The following WDR20 variants were observed in gnomAD, a reference collection of about 807,000 sequenced individuals.
WDR20 encodes the protein WD repeat domain 20.
In WDR20, 3 loss-of-function variants were observed where a neutral mutation model predicts 38.7. The ratio of observed to expected loss-of-function variants is 0.08; its 90% confidence interval spans 0.04 to 0.20. The LOEUF is 0.20. Ranked by LOEUF, WDR20 falls within the 10% of genes least tolerant of loss-of-function variation. The pLI is 1.00. For synonymous variants in WDR20, 298 were observed against 285.6 expected (o/e 1.04, Z -0.44); for missense variants, 559 against 727.7 (o/e 0.77, Z 2.67).
At chr14:102,144,672 CA>C (rs2052929212) in intron 1 of WDR20, among the ~76,000 whole-genome samples, 1 of 151,580 alleles carries the variant, frequency 6.6e-6, no homozygotes, top group South Asian at 2.1e-4. Flanking sequence ...CATGGTGTAT[CA>C]GTTTTACCCT....
At chr14:102,156,782 A>C (rs2057495745) in intron 1 of WDR20, among the ~76,000 whole-genome samples, 1 of 151,956 alleles carries the variant, frequency 6.6e-6, no homozygotes, top group Non-Finnish European at 1.5e-5. Context: ...GGATTATCTG[A>C]GGCAGGAATT....
rs1766034397 is a variant in WDR20 at position 102,210,184 on chromosome 14, A to G, written c.*304A>G. The G allele has an allele frequency of 9.3e-7, 1 of 1,075,802 alleles. No individual in the cohort carries two copies. The highest frequency in any genetic ancestry group is 1.7e-5 in the African/African-American group (1 of 60,214). The allele number at this position is 1,075,802 out of a possible 1,614,324, so 66.6% of individuals were successfully genotyped here. ...TTTCAATTTTAGGAAAATCATGACC[A>G]TGTGGGGAAACAATGACTTTAAAAT... On this transcript the variant is annotated 3_prime_UTR_variant, in exon 3 of 3. Coordinates refer to ENST00000342702, the MANE Select transcript of WDR20 (RefSeq NM_144574.4).
At position 102,175,787 on chromosome 14, in the gene WDR20, GTATTT is replaced by G. The variant is rs2061925230; in HGVS notation, c.250-19139_250-19135del. On this transcript the variant is annotated intron_variant, in intron 1 of 2. Transcript: ENST00000342702. ...TGTCAATGGTTAGATATATTCCTAA[GTATTT>G]TATTTTATTTTTTTGCAGTTATTGT... Among the ~76,000 whole-genome samples, 4 of 152,110 alleles carry G rather than the reference GTATTT, an allele frequency of 2.6e-5. 1 individual carries two copies. The highest frequency in any genetic ancestry group is 2.6e-4 in the Admixed American group (4 of 15,262).
chr14:102,152,516 G>A (rs763330737), intron 1 of WDR20, among the ~76,000 whole-genome samples: 41 of 151,318 alleles, frequency 2.7e-4, no homozygotes, highest in Non-Finnish European at 4.6e-4. Flanking sequence ...CCAGGTTCAA[G>A]CAACTCTCCT....
intron 1 of WDR20, among the ~76,000 whole-genome samples, chr14:102,176,875 C>G (rs1042325412): frequency 3.3e-5 from 5 of 152,180 alleles, no homozygotes; most frequent in Admixed American, 2.0e-4. Flanking sequence ...ACTAGAGGCG[C>G]CTGCCATCAC....
chr14:102,151,173 A>ATTTTTTTTTTTTT (rs534503694), intron 1 of WDR20, among the ~76,000 whole-genome samples: 5 of 111,546 alleles, frequency 4.5e-5, no homozygotes, highest in African/African-American at 7.9e-5. Context: ...CCATTGGGGA[A>ATTTTTTTTTTTTT]TTTTTTTTTT....
intron 2 of WDR20, among the ~76,000 whole-genome samples, chr14:102,195,534 G>A (rs1240137739): frequency 1.3e-5 from 2 of 152,210 alleles, no homozygotes; most frequent in Non-Finnish European, 2.9e-5. Context: ...GCTTTTGTAT[G>A]TATGTTTGAC....
chr14:102,182,694 C>G (rs7152614), intron 1 of WDR20, among the ~76,000 whole-genome samples: 14,287 of 151,260 alleles, frequency 0.094, 1,258 homozygotes, highest in African/African-American at 0.24. Flanking sequence ...TTATTTTTTT[C>G]TATTAAAAAA....
At chr14:102,192,027 T>A (rs1373607192) in intron 1 of WDR20, among the ~76,000 whole-genome samples, 1 of 152,206 alleles carries the variant, frequency 6.6e-6, no homozygotes, top group East Asian at 1.9e-4. Flanking sequence ...GTTTCTAAAC[T>A]CTTATTCTCA....
chr14:102,149,559 T>G (rs2054978603), intron 1 of WDR20, among the ~76,000 whole-genome samples: 1 of 152,280 alleles, frequency 6.6e-6, no homozygotes, highest in Admixed American at 6.5e-5. Flanking sequence ...ATTTCTAATT[T>G]CAGAAATGCT....
intron 1 of WDR20, among the ~76,000 whole-genome samples, chr14:102,185,851 T>C (rs1165321204): frequency 6.6e-6 from 1 of 152,056 alleles, no homozygotes; most frequent in Non-Finnish European, 1.5e-5. Flanking sequence ...TTTGCTTTTA[T>C]ATACATTTGG....
At chr14:102,141,234 G>A (rs2050977129) in intron 1 of WDR20, among the ~76,000 whole-genome samples, 1 of 152,194 alleles carries the variant, frequency 6.6e-6, no homozygotes, top group East Asian at 1.9e-4. Flanking sequence ...AAAAGATTAA[G>A]TCGTAAATGC....
At chr14:102,169,879 C>T (rs1273055959) in intron 1 of WDR20, among the ~76,000 whole-genome samples, 2 of 151,954 alleles carry the variant, frequency 1.3e-5, no homozygotes, top group Non-Finnish European at 2.9e-5. Flanking sequence ...GGTATTGTGA[C>T]GTCTCATAGG....
chr14:102,189,181 G>C (rs905490767), intron 1 of WDR20, among the ~76,000 whole-genome samples: 2 of 152,174 alleles, frequency 1.3e-5, no homozygotes, highest in African/African-American at 2.4e-5. Flanking sequence ...CTGCACTCCA[G>C]CCTGGGTAAT....
downstream of WDR20, chr14:102,212,706 G>A (rs147281335): frequency 2.6e-3 from 3,872 of 1,485,992 alleles, 8 homozygotes; most frequent in Middle Eastern, 3.2e-3. Flanking sequence ...GGGTGGCCGC[G>A]GTGGTTCCTG....
At chr14:102,164,490 C>G (rs2059384585) in intron 1 of WDR20, among the ~76,000 whole-genome samples, 1 of 152,174 alleles carries the variant, frequency 6.6e-6, no homozygotes. Flanking sequence ...TCCAAAATCG[C>G]TAATTCAGAT....
In WDR20 at chr14:102,208,748, T is replaced by G; in HGVS notation, c.578T>G (p.Leu193Arg). 1 of 1,614,214 alleles carries G rather than the reference T, an allele frequency of 6.2e-7. No individual in the cohort carries two copies. Among genetic ancestry groups the G allele is most frequent in the Non-Finnish European group, 8.5e-7 (1 of 1,180,034 alleles). Residue 193 changes from leucine to arginine, a missense_variant, in exon 3 of 3, where the codon CTG becomes CGG. Coordinates refer to ENST00000342702, the MANE Select transcript of WDR20 (RefSeq NM_144574.4). The surrounding 1 kb of genome is among the most constrained non-coding windows in gnomAD (Gnocchi z 5.6). ...CGTTAPHYQL[L>R]KQGESFAVHT... ...ACCACAGCCCCCCACTACCAGCTTC[T>G]GAAGCAGGGAGAGAGCTTTGCCGTG... is the stretch of plus-strand genomic sequence containing the variant.
intron 1 of WDR20, among the ~76,000 whole-genome samples, chr14:102,190,846 C>T (rs533097963): frequency 1.5e-3 from 224 of 151,968 alleles, no homozygotes; most frequent in Middle Eastern, 3.4e-3. Context: ...ACTGAAAATA[C>T]AAAAATTAGC....
rs138026246 is a variant in WDR20, at chr14:102,198,976, A to C, written c.432+3856A>C. Among the ~76,000 whole-genome samples, 497 of 152,284 alleles carry C rather than the reference A, an allele frequency of 3.3e-3. 1 individual carries two copies. The highest frequency in any genetic ancestry group is 0.012 in the African/African-American group (479 of 41,550). On this transcript the variant is annotated intron_variant, in intron 2 of 2. Coordinates refer to ENST00000342702, the MANE Select transcript of WDR20 (RefSeq NM_144574.4). ...GGGTTACAATTTGGCAGTTGTCAGC[A>C]TAGAAATAATAATCACATCCTTGAG...
Sources: gnomAD v4.1 joint callset for allele counts (sites outside exome capture counted in the v4.1 genomes callset) on GRCh38, gnomAD v4.1.1 for gene constraint, Gnocchi (gnomAD v3.1) non-coding constraint, MANE v1.5 for transcripts, NCBI Gene and HGNC (gene_info 2026-07-23, HGNC 2026-07-21) for gene names.